Variants in PCLO observed in about 807,000 individuals in gnomAD.
PCLO encodes protein piccolo.
A neutral mutation model predicts 427.5 loss-of-function variants in PCLO; 82 were observed. The ratio of observed to expected loss-of-function variants is 0.19; its 90% confidence interval spans 0.16 to 0.23. The LOEUF (loss-of-function observed/expected upper bound fraction) is 0.23. Among genes scored for constraint, PCLO ranks in the 10% least tolerant of loss-of-function variants. The probability of loss-of-function intolerance (pLI) is 1.00; values close to 1 mark genes in which losing one functional copy is unlikely to be tolerated. For missense variants in PCLO, 6,239 were observed against 6,115.9 expected, an observed-to-expected ratio of 1.02 and a Z score of -0.67; for synonymous variants, 2,357 against 2,155.4, an observed-to-expected ratio of 1.09 and a Z score of -2.59.
chr7:82,955,263 T>C lies in PCLO; in HGVS notation c.5690A>G (p.Asp1897Gly). ...TTCTTTCTGCATAATAGATTGCTCA[T>C]CTGTTGGTGAGTATAATGAAACAGC... The part of the protein sequence containing the change: ...PTAVSLYSPT[D>G]EQSIMQKEGS... Residue 1897 changes from aspartate (D) to glycine (G), a missense_variant, in exon 5 of 25, where the codon GAT becomes GGT. Transcript: ENST00000333891. 6.2e-7 allele frequency: 1 copy of C among 1,613,730 alleles called. No homozygotes were observed. Among genetic ancestry groups the C allele is most frequent in the Middle Eastern group, 1.7e-4 (1 of 6,060 alleles).
rs568431995 is a variant in PCLO at position 82,942,549 on chromosome 7, G to A, written c.11112+6927C>T. On this transcript the variant is annotated intron_variant, in intron 6 of 24. Coordinates refer to ENST00000333891, the MANE Select transcript of PCLO (RefSeq NM_033026.6). ...ATAGTGAATAGGAATGTTAACTACC[G>A]AATACTAAATTGCTGAGATCAACTT... is the stretch of plus-strand genomic sequence containing the variant. 1.4e-3 allele frequency among the ~76,000 whole-genome samples: 217 copies of A among 152,064 alleles called. 1 individual carries two copies. Among genetic ancestry groups the A allele is most frequent in the African/African-American group, 4.7e-3 (197 of 41,500 alleles).
At chr7:82,972,977 C>G (rs1225520916) in intron 3 of PCLO, among the ~76,000 whole-genome samples, 1 of 152,026 alleles carries the variant, frequency 6.6e-6, no homozygotes, top group Non-Finnish European at 1.5e-5. Flanking sequence ...CTATTCAACT[C>G]AGATCCACGC....
chr7:83,081,372 A>G (rs1043106110), intron 3 of PCLO, among the ~76,000 whole-genome samples: 3 of 152,090 alleles, frequency 2.0e-5, no homozygotes, highest in South Asian at 4.1e-4. Context: ...GATGAACTTA[A>G]TGAATGAATC....
At chr7:82,907,391 TAG>T (rs1017904234) in intron 8 of PCLO, among the ~76,000 whole-genome samples, 1 of 152,036 alleles carries the variant, frequency 6.6e-6, no homozygotes, top group Non-Finnish European at 1.5e-5. Context: ...TATTCCATTT[TAG>T]AGAGATTCAT....
At chr7:82,977,165 TG>T (rs1305397939) in intron 3 of PCLO, among the ~76,000 whole-genome samples, 1 of 152,120 alleles carries the variant, frequency 6.6e-6, no homozygotes, top group Non-Finnish European at 1.5e-5. Context: ...ACCCAGGTCC[TG>T]TTTTCAATAA....
intron 20 of PCLO, 45 bp from the exon 21 acceptor site, chr7:82,805,874 C>T (rs1374764637): frequency 6.4e-7 from 1 of 1,555,100 alleles, no homozygotes; most frequent in Admixed American, 1.9e-5. Context: ...ATAAATGAAG[C>T]TGACATTGAT....
At chr7:83,093,492 A>ATATTTTTTTTTTTTTTTTTTTTTT in intron 3 of PCLO, among the ~76,000 whole-genome samples, 1 of 59,342 alleles carries the variant, frequency 1.7e-5, no homozygotes, top group Non-Finnish European at 3.3e-5. Flanking sequence ...ATATATATAT[A>ATATTTTTTTTTTTTTTTTTTTTTT]TTTTTTTTTT....
At chr7:82,912,181 C>G (rs188139081) in intron 7 of PCLO, among the ~76,000 whole-genome samples, 40 of 151,958 alleles carry the variant, frequency 2.6e-4, no homozygotes, top group Non-Finnish European at 5.2e-4. Context: ...TCAAAATTAT[C>G]TTAGTATATT....
intron 2 of PCLO, among the ~76,000 whole-genome samples, chr7:83,137,617 G>A (rs1311648745): frequency 6.6e-6 from 1 of 151,706 alleles, no homozygotes; most frequent in Non-Finnish European, 1.5e-5. Flanking sequence ...TTTTTTAGTA[G>A]AGACAGGTTT....
rs76988622 is a variant in PCLO, at chr7:82,951,497, T to C, written c.9098-7A>G. ...GAATAATCCATTACCTCACCTGAAA[T>C]ACAGGGCAGAGTTATAGTCCAGTTC... On this transcript the variant is annotated splice_region_variant and splice_polypyrimidine_tract_variant and intron_variant, in intron 5 of 24. Transcript: ENST00000333891. 2,756 of 1,539,372 alleles carry C rather than the reference T, an allele frequency of 1.8e-3. 43 individuals carry two copies. In the African/African-American group the frequency reaches 0.03, roughly 17 times the overall value.
In PCLO at chr7:82,949,701, T is replaced by G; in HGVS notation, c.10887A>C (p.Pro3629=). The G allele has an allele frequency of 1.2e-6, 2 of 1,613,650 alleles. No homozygotes were observed. The highest frequency in any genetic ancestry group is 1.7e-6 in the Non-Finnish European group (2 of 1,179,814). The change falls in exon 6 of 25, where the codon CCA becomes CCC. Residue 3629 remains proline, a synonymous_variant. Coordinates refer to ENST00000333891, the MANE Select transcript of PCLO (RefSeq NM_033026.6). ...SPKVLYSPIS[P]LSPGKALESA... ...ATTCTAAGGCTTTGCCTGGTGAAAGTGGTGAGATGGGTGAGTAAAGGACTT... is the reference window on the plus strand; with the variant it reads ...ATTCTAAGGCTTTGCCTGGTGAAAGGGGTGAGATGGGTGAGTAAAGGACTT...
At chr7:82,910,001 C>T (rs1003094592) in intron 7 of PCLO, among the ~76,000 whole-genome samples, 1 of 151,970 alleles carries the variant, frequency 6.6e-6, no homozygotes, top group Non-Finnish European at 1.5e-5. Context: ...AATGACTGAA[C>T]ATCTTATTTT....
At chr7:82,946,420 T>C (rs1330163775) in intron 6 of PCLO, among the ~76,000 whole-genome samples, 3 of 152,178 alleles carry the variant, frequency 2.0e-5, no homozygotes, top group African/African-American at 7.2e-5. Context: ...TTCAATTAAA[T>C]ACACAATATA....
chr7:83,148,100 A>C (rs551553322), intron 2 of PCLO, among the ~76,000 whole-genome samples: 68 of 152,262 alleles, frequency 4.5e-4, no homozygotes, highest in African/African-American at 1.6e-3. Context: ...GAGTGAAGAA[A>C]ACATCTCAGA....
Position 82,954,642 on chromosome 7 carries a change from G to C in PCLO, c.6311C>G (p.Ala2104Gly). The C allele has an allele frequency of 6.2e-7, 1 of 1,613,924 alleles. No individual in the cohort carries two copies. The highest frequency in any genetic ancestry group is 8.5e-7 in the Non-Finnish European group (1 of 1,179,844). The change falls in exon 5 of 25, where the codon GCC (alanine) becomes GGC (glycine). Residue 2104 changes from alanine (A) to glycine (G), a missense_variant. By Grantham distance (60) the Ala-to-Gly change is moderately conservative. Coordinates refer to ENST00000333891, the MANE Select transcript of PCLO (RefSeq NM_033026.6). ...TGAGAGAACACTTGATGTCAAAGAG[G>C]CATCTGGCATTCTGTCAAAGTCCAT... is the stretch of plus-strand genomic sequence containing the variant. ...STMDFDRMPD[A>G]SLTSSVLSGA... is the part of the protein sequence containing the mutation.
At chr7:82,999,702 T>A (rs1209400773) in intron 3 of PCLO, among the ~76,000 whole-genome samples, 1 of 54,048 alleles carries the variant, frequency 1.9e-5, no homozygotes, top group Non-Finnish European at 3.5e-5. Context: ...TATATAATAT[T>A]AAATATAAAA....
chr7:82,884,635 A>C (rs1562836281), intron 9 of PCLO, among the ~76,000 whole-genome samples: 2 of 152,212 alleles, frequency 1.3e-5, no homozygotes, highest in East Asian at 3.9e-4. Context: ...AGGCAATGAA[A>C]AGGAAATTTA....
At chr7:83,018,631 T>C (rs1788267596) in intron 3 of PCLO, among the ~76,000 whole-genome samples, 1 of 152,034 alleles carries the variant, frequency 6.6e-6, no homozygotes, top group Non-Finnish European at 1.5e-5. Flanking sequence ...GACATACAAA[T>C]CCCTTAAATA....
At chr7:82,789,736 C>T (rs1282274948) in intron 22 of PCLO, among the ~76,000 whole-genome samples, 1 of 152,084 alleles carries the variant, frequency 6.6e-6, no homozygotes, top group African/African-American at 2.4e-5. Flanking sequence ...AACATTCTAC[C>T]TAATTCAAAC....
Sources: allele counts gnomAD v4.1 joint callset (sites outside exome capture counted in the v4.1 genomes callset), GRCh38; gene constraint gnomAD v4.1.1; transcripts MANE v1.5; gene names NCBI Gene and HGNC (gene_info 2026-07-23, HGNC 2026-07-21).